The following LRBA variants were observed in gnomAD, a reference collection of about 807,000 sequenced individuals.
The protein encoded by LRBA is LPS responsive beige-like anchor protein.
A neutral mutation model predicts 330.0 loss-of-function variants in LRBA; 176 were observed. The observed-to-expected ratio is 0.53, with a 90% CI of 0.47 to 0.60. LRBA has a LOEUF of 0.60. Among genes scored for constraint, LRBA ranks in the 20% least tolerant of loss-of-function variants. The probability of loss-of-function intolerance (pLI) is 0.00; values close to 1 mark genes in which losing one functional copy is unlikely to be tolerated. For missense variants in LRBA, 3,259 were observed against 3,444.8 expected (o/e 0.95, Z 1.35); for synonymous variants, 1,230 against 1,193.0 (o/e 1.03, Z -0.64).
chr4:150,507,807 G>A (rs969897084), intron 40 of LRBA, among the ~76,000 whole-genome samples: 7 of 152,094 alleles, frequency 4.6e-5, no homozygotes, highest in Non-Finnish European at 1.0e-4. Context: ...CAGAATGGGA[G>A]AAAATTTTTG....
At chr4:150,972,305 G>A (rs1739669617) in intron 2 of LRBA, among the ~76,000 whole-genome samples, 1 of 152,002 alleles carries the variant, frequency 6.6e-6, no homozygotes, top group African/African-American at 2.4e-5. Context: ...AAGGGGAGGA[G>A]ATGTAAAATG....
At chr4:150,268,919 A>C (rs1385846969) in intron 56 of LRBA, among the ~76,000 whole-genome samples, 1 of 152,224 alleles carries the variant, frequency 6.6e-6, no homozygotes, top group Non-Finnish European at 1.5e-5. Flanking sequence ...AAAGTATCCA[A>C]ATTGGAAAGG....
intron 47 of LRBA, among the ~76,000 whole-genome samples, chr4:150,355,624 A>T (rs1737736763): frequency 6.6e-6 from 1 of 152,100 alleles, no homozygotes; most frequent in Admixed American, 6.6e-5. Context: ...GGCCCAAGGT[A>T]CAAAGGTTCT....
chr4:150,638,709 G>A (rs1778180594), intron 37 of LRBA, among the ~76,000 whole-genome samples: 1 of 143,476 alleles, frequency 7.0e-6, no homozygotes, highest in South Asian at 2.4e-4. Context: ...AACAACAGGT[G>A]CTGGAGAGGA....
chr4:150,426,817 T>C (rs1749688913), intron 46 of LRBA, among the ~76,000 whole-genome samples: 2 of 151,650 alleles, frequency 1.3e-5, no homozygotes, highest in Admixed American at 6.6e-5. Context: ...ACAAATATAT[T>C]ATTTTTTTTA....
intron 40 of LRBA, among the ~76,000 whole-genome samples, chr4:150,512,019 T>C (rs563224111): frequency 6.6e-6 from 1 of 152,356 alleles, no homozygotes; most frequent in South Asian, 2.1e-4. Context: ...CAGTACTTAT[T>C]TTAGTAATTC....
intron 35 of LRBA, among the ~76,000 whole-genome samples, chr4:150,747,214 T>C (rs1239875056): frequency 6.6e-6 from 1 of 152,186 alleles, no homozygotes; most frequent in African/African-American, 2.4e-5. Flanking sequence ...CTATCTAACC[T>C]ACCTTCAAAG....
intron 2 of LRBA, among the ~76,000 whole-genome samples, chr4:150,930,667 C>G (rs913818611): frequency 1.3e-5 from 2 of 152,116 alleles, no homozygotes; most frequent in Admixed American, 1.3e-4. Flanking sequence ...TATACACAGG[C>G]ATGAGACTGA....
chr4:150,361,912 T>C (rs1318609689), intron 47 of LRBA, among the ~76,000 whole-genome samples: 1 of 151,872 alleles, frequency 6.6e-6, no homozygotes, highest in Non-Finnish European at 1.5e-5. Flanking sequence ...GCTGGGACTA[T>C]AGGCACCCGC....
At chr4:150,593,512 G>A (rs567553664) in intron 38 of LRBA, among the ~76,000 whole-genome samples, 20 of 152,212 alleles carry the variant, frequency 1.3e-4, no homozygotes, top group African/African-American at 4.1e-4. Context: ...TCTTAACCAC[G>A]ATGCCATATT....
chr4:150,461,217 C>T (rs1385170660), intron 44 of LRBA, among the ~76,000 whole-genome samples: 1 of 151,724 alleles, frequency 6.6e-6, no homozygotes, highest in Non-Finnish European at 1.5e-5. Context: ...AAGGCAACTT[C>T]ATAAATAACA....
intron 56 of LRBA, among the ~76,000 whole-genome samples, chr4:150,270,969 G>T (rs1368913721): frequency 3.3e-5 from 5 of 152,216 alleles, no homozygotes; most frequent in Non-Finnish European, 7.3e-5. Context: ...TGAGATTGAC[G>T]CTGGGTGGAT....
intron 46 of LRBA, among the ~76,000 whole-genome samples, chr4:150,429,705 C>T (rs1324370940): frequency 6.6e-6 from 1 of 152,032 alleles, no homozygotes; most frequent in Non-Finnish European, 1.5e-5. Context: ...GCTTAAAAAT[C>T]ACTTATTCTG....
At chr4:150,803,443 G>C (rs1347404618) in intron 33 of LRBA, among the ~76,000 whole-genome samples, 1 of 151,894 alleles carries the variant, frequency 6.6e-6, no homozygotes, top group African/African-American at 2.4e-5. Context: ...CTACTTTTGT[G>C]AAAATTTGAA....
chr4:150,589,586 A>G (rs1772564473), intron 39 of LRBA, among the ~76,000 whole-genome samples: 2 of 152,224 alleles, frequency 1.3e-5, no homozygotes, highest in African/African-American at 4.8e-5. Flanking sequence ...ACATTCAATT[A>G]CAGGGTAAGC....
intron 30 of LRBA, among the ~76,000 whole-genome samples, chr4:150,825,221 C>T: frequency 6.6e-6 from 1 of 152,238 alleles, no homozygotes; most frequent in Non-Finnish European, 1.5e-5. Flanking sequence ...TAAAGCATAA[C>T]TGTATAAAAT....
At chr4:150,917,160 A>T (rs56001091) in intron 5 of LRBA, among the ~76,000 whole-genome samples, 34,007 of 146,792 alleles carry the variant, frequency 0.23, 4,635 homozygotes, top group Middle Eastern at 0.32. Flanking sequence ...CTCAAAAAAA[A>T]AAATATATAT....
intron 30 of LRBA, among the ~76,000 whole-genome samples, chr4:150,822,276 G>C (rs183138978): frequency 6.6e-6 from 1 of 152,058 alleles, no homozygotes; most frequent in Non-Finnish European, 1.5e-5. Context: ...ATATGTTCAT[G>C]ATCTACTCAC....
At chr4:150,489,633 TATAAGAATATATAATATATA>T (rs1561252338) in intron 41 of LRBA, among the ~76,000 whole-genome samples, 51 of 120,482 alleles carry the variant, frequency 4.2e-4, no homozygotes, top group African/African-American at 1.5e-3. Flanking sequence ...ATATATAATA[TATAAGAATATATAATATATA>T]ATATTATATA....
Sources: gnomAD v4.1 joint callset for allele counts (sites outside exome capture counted in the v4.1 genomes callset) on GRCh38, gnomAD v4.1.1 for gene constraint, MANE v1.5 for transcripts, NCBI Gene and HGNC (gene_info 2026-07-23, HGNC 2026-07-21) for gene names.